Variants in C4orf50 observed in about 807,000 individuals in gnomAD.
C4orf50 encodes the protein chromosome 4 open reading frame 50, also known as uncharacterized protein C4orf50.
C4orf50 carries 80 observed loss-of-function variants against 77.2 expected under a neutral mutation model. The observed-to-expected ratio is 1.04, with a 90% CI of 0.87 to 1.25. C4orf50 has a LOEUF of 1.25. C4orf50 is among the 50% of genes most tolerant of loss of function. The probability of loss-of-function intolerance (pLI) is 0.00; values close to 1 mark genes in which losing one functional copy is unlikely to be tolerated. For missense variants in C4orf50, 1,257 were observed against 1,152.9 expected (o/e 1.09, Z -1.31); for synonymous variants, 532 against 465.3 (o/e 1.14, Z -1.84).
Position 5,938,467 on chromosome 4 carries a change from G to A in C4orf50, c.*2474+18434C>T, listed in dbSNP as rs774939408. On this transcript the variant is annotated intron_variant, in intron 7 of 7. Transcript: ENST00000324058. ...AGGATCCAAGGGTCACAGCGGGAGG[G>A]GCCCTCTGATCTAAGGAGGTGGCCT... 3.3e-5 allele frequency among the ~76,000 whole-genome samples: 5 copies of A among 152,154 alleles called. No homozygotes were observed. In the East Asian group the frequency reaches 9.7e-4, roughly 29 times the overall value.
chr4:6,014,820 A>G (rs1299633802), intron 23 of C4orf50, among the ~76,000 whole-genome samples: 1 of 151,800 alleles, frequency 6.6e-6, no homozygotes, highest in African/African-American at 2.4e-5. Context: ...TCCTCCCCTG[A>G]CCCCTCTTCT....
chr4:5,913,376 G>A (rs1045350224), intron 7 of C4orf50, among the ~76,000 whole-genome samples: 4 of 152,078 alleles, frequency 2.6e-5, no homozygotes, highest in African/African-American at 9.7e-5. Context: ...GGCAGGCAAT[G>A]ACTATTCTGG....
At chr4:5,990,184 T>C (rs1721182669) in exon 28 of C4orf50, 2 of 1,247,282 alleles carry the variant, frequency 1.6e-6, no homozygotes, top group South Asian at 3.9e-5. Context: ...CAAAAACTCC[T>C]GCCAGGACCC....
At chr4:5,969,629 T>A (rs1332329182) in intron 31 of C4orf50, among the ~76,000 whole-genome samples, 2 of 151,964 alleles carry the variant, frequency 1.3e-5, no homozygotes, top group Non-Finnish European at 2.9e-5. Flanking sequence ...AGCTGTTGGG[T>A]GCCTGTGTGT....
chr4:5,925,243 G>A (rs765395491), intron 7 of C4orf50, among the ~76,000 whole-genome samples: 2 of 151,492 alleles, frequency 1.3e-5, no homozygotes, highest in East Asian at 2.0e-4. Flanking sequence ...GGCAAGGGGA[G>A]ACCCGCAACC....
chr4:5,984,610 G>A (rs957658276), intron 28 of C4orf50, among the ~76,000 whole-genome samples: 4 of 152,086 alleles, frequency 2.6e-5, no homozygotes, highest in African/African-American at 7.2e-5. Flanking sequence ...AACAGAAGGT[G>A]GGACATGGTA....
chr4:5,979,490 A>C (rs1720454691), intron 29 of C4orf50, among the ~76,000 whole-genome samples: 1 of 152,256 alleles, frequency 6.6e-6, no homozygotes, highest in Non-Finnish European at 1.5e-5. Flanking sequence ...ACACACATTC[A>C]GAAAGTGGGT....
chr4:5,906,038 T>G (rs901601061), intron 7 of C4orf50, among the ~76,000 whole-genome samples: 1 of 151,774 alleles, frequency 6.6e-6, no homozygotes, highest in East Asian at 1.9e-4. Context: ...GGGGTAACAG[T>G]GGAGGCGCGG....
chr4:5,998,643 ATC>A (rs1378482709), intron 25 of C4orf50, among the ~76,000 whole-genome samples: 5 of 152,118 alleles, frequency 3.3e-5, no homozygotes, highest in South Asian at 4.2e-4. Context: ...CTGGCTTTTC[ATC>A]TCTCTGCACG....
intron 7 of C4orf50, among the ~76,000 whole-genome samples, chr4:5,939,754 C>A (rs1718183390): frequency 6.6e-6 from 1 of 152,108 alleles, no homozygotes; most frequent in African/African-American, 2.4e-5. Context: ...GGATCCTCAG[C>A]CCTGTCCCCT....
chr4:6,012,213 C>G (rs762785977), intron 23 of C4orf50, among the ~76,000 whole-genome samples: 1 of 152,122 alleles, frequency 6.6e-6, no homozygotes, highest in Non-Finnish European at 1.5e-5. Flanking sequence ...GTCCTCACAC[C>G]GAAGCCAGTA....
At chr4:5,988,605 G>A (rs1199314177) in exon 28 of C4orf50, 3 of 1,536,116 alleles carry the variant, frequency 2.0e-6, no homozygotes, top group Non-Finnish European at 2.6e-6. Flanking sequence ...GTGGCCCACA[G>A]GCTCTTGAAA....
intron 7 of C4orf50, among the ~76,000 whole-genome samples, chr4:5,938,795 CTT>C (rs5855874): frequency 2.9e-4 from 43 of 149,786 alleles, no homozygotes; most frequent in Middle Eastern, 6.9e-3. Context: ...TTTTTCTTTT[CTT>C]TTTTTTTTTT....
At chr4:5,974,413 C>T (rs1720130589) in intron 30 of C4orf50, among the ~76,000 whole-genome samples, 2 of 150,426 alleles carry the variant, frequency 1.3e-5, no homozygotes, top group South Asian at 2.1e-4. Context: ...TCTGCAGGGG[C>T]GCGGCAGGAA....
intron 28 of C4orf50, among the ~76,000 whole-genome samples, chr4:5,986,128 A>G (rs1156382854): frequency 6.6e-6 from 1 of 152,272 alleles, no homozygotes; most frequent in African/African-American, 2.4e-5. Context: ...CAGCAAAGAT[A>G]GAAGAGATTT....
intron 29 of C4orf50, 26 bp downstream of exon 7, chr4:5,980,148 G>A: frequency 6.5e-7 from 1 of 1,546,394 alleles, no homozygotes; most frequent in East Asian, 2.3e-5. Context: ...TGGCTGACAA[G>A]AGGGGAAAGA....
intron 7 of C4orf50, among the ~76,000 whole-genome samples, chr4:5,910,682 C>G (rs996996351): frequency 1.3e-5 from 2 of 152,146 alleles, no homozygotes; most frequent in Admixed American, 6.5e-5. Flanking sequence ...TACCTCACCC[C>G]CTGCCAGCAT....
Position 5,987,838 on chromosome 4 carries a change from G to A in C4orf50, c.3699+509C>T, listed in dbSNP as rs188258304. Among the ~76,000 whole-genome samples, 105 of 152,288 alleles carry A rather than the reference G, an allele frequency of 6.9e-4. 1 individual carries two copies. Among genetic ancestry groups the A allele is most frequent in the Non-Finnish European group, 1.2e-3 (82 of 68,016 alleles). On this transcript the variant is annotated intron_variant, in intron 28 of 33. Coordinates refer to ENST00000531445, the Ensembl canonical transcript of C4orf50. ...CAGTCAAGAACTGTCCACAGATGAG[G>A]AGAGTGACTCAAGCGAAGTCTGCAT... is the stretch of plus-strand genomic sequence containing the variant.
At chr4:5,929,502 G>A (rs1417659706) in intron 7 of C4orf50, among the ~76,000 whole-genome samples, 2 of 152,176 alleles carry the variant, frequency 1.3e-5, no homozygotes, top group Non-Finnish European at 2.9e-5. Context: ...AAACCCAAGA[G>A]AACTGACTCT....
Sources: gnomAD v4.1 joint callset for allele counts (sites outside exome capture counted in the v4.1 genomes callset) on GRCh38, gnomAD v4.1.1 for gene constraint, MANE v1.5 for transcripts, NCBI Gene and HGNC (gene_info 2026-07-23, HGNC 2026-07-21) for gene names.